TTC7B: variants seen among roughly 807,000 people sequenced by gnomAD.
The protein encoded by TTC7B is tetratricopeptide repeat domain 7B.
In TTC7B, 28 loss-of-function variants were observed where a neutral mutation model predicts 106.8. That is an observed-to-expected ratio of 0.26 (90% confidence interval 0.19 to 0.36). TTC7B has a LOEUF of 0.36. TTC7B is among the 10% of genes least tolerant of loss of function. The pLI is 1.00. For synonymous variants in TTC7B, 405 were observed against 430.6 expected, an observed-to-expected ratio of 0.94 and a Z score of 0.74; for missense variants, 862 against 1,076.4, an observed-to-expected ratio of 0.80 and a Z score of 2.79.
intron 3 of TTC7B, among the ~76,000 whole-genome samples, chr14:90,745,297 C>CA (rs71461925): frequency 1.9e-3 from 205 of 108,674 alleles, no homozygotes; most frequent in East Asian, 9.6e-3. Context: ...CCCTGTCTCC[C>CA]AAAAAAAAAA....
rs114054306 is a variant in TTC7B at position 90,534,379 on chromosome 14, C to G, written c.*6989G>C. On this transcript the variant is annotated 3_prime_UTR_variant, in exon 20 of 20. Transcript: ENST00000328459. Reference sequence around the variant, plus strand: ...CAGGCCCAGTGCGGCTGCTACTGCCCGCCTCCCCCGGAGGACTCCGGCCAG... The same window carrying G: ...CAGGCCCAGTGCGGCTGCTACTGCCGGCCTCCCCCGGAGGACTCCGGCCAG... The G allele has an allele frequency of 0.031, 4,709 of 152,426 alleles. 131 individuals are homozygous for G. The highest frequency in any genetic ancestry group is 0.16 in the East Asian group (831 of 5,140). 9.4% of individuals were successfully genotyped at this position (152,426 alleles called of 1,614,324 possible).
At chr14:90,686,777 G>A (rs928997211) in intron 7 of TTC7B, among the ~76,000 whole-genome samples, 2 of 152,168 alleles carry the variant, frequency 1.3e-5, no homozygotes, top group East Asian at 1.9e-4. Context: ...GTGCACGCAC[G>A]TGTGCACACA....
rs553124980 is a variant in TTC7B, at chr14:90,599,129, C to T, written c.1967-5503G>A. On this transcript the variant is annotated intron_variant, in intron 17 of 19. Coordinates refer to ENST00000328459, the MANE Select transcript of TTC7B (RefSeq NM_001010854.2). ...TGGCACTCCAGCCTGGGTGACAGAG[C>T]GAGATTCTGTCTCAAACAAAAAAAG... 9.8e-4 allele frequency among the ~76,000 whole-genome samples: 148 copies of T among 151,078 alleles called. 4 individuals are homozygous for T. The South Asian group carries it at 0.029, about 30-fold the overall frequency.
chr14:90,735,692 C>T (rs915568812), intron 4 of TTC7B, among the ~76,000 whole-genome samples: 6 of 151,214 alleles, frequency 4.0e-5, no homozygotes, highest in Admixed American at 2.0e-4. Context: ...AACCTCATCA[C>T]TTTTTTTAAA....
intron 5 of TTC7B, among the ~76,000 whole-genome samples, chr14:90,717,799 G>A (rs1389421805): frequency 1.3e-5 from 2 of 152,218 alleles, no homozygotes; most frequent in Admixed American, 6.5e-5. Context: ...AAGGCAGGTA[G>A]GTGATTGAGC....
In TTC7B at chr14:90,775,903, C is replaced by T. The variant is rs139669864; in HGVS notation, c.445+4835G>A. Among the ~76,000 whole-genome samples, 15 of 151,140 alleles carry T rather than the reference C, an allele frequency of 9.9e-5. No homozygotes were observed. The South Asian group carries it at 1.0e-3, about 11-fold the overall frequency. On this transcript the variant is annotated intron_variant, in intron 3 of 19. Coordinates refer to ENST00000328459, the MANE Select transcript of TTC7B (RefSeq NM_001010854.2). ...TTCCAGGCCCCATTTTTAAAATTTC[C>T]GGTTTAAAAATTTTAAATTTTAAAA...
intron 15 of TTC7B, among the ~76,000 whole-genome samples, chr14:90,623,230 C>A (rs1206118530): frequency 2.0e-5 from 3 of 152,132 alleles, no homozygotes; most frequent in Non-Finnish European, 4.4e-5. Flanking sequence ...TGAAGACAAG[C>A]AAAATAATAA....
chr14:90,644,743 G>A (rs1411615306), intron 14 of TTC7B: 5 of 152,224 alleles, frequency 3.3e-5, no homozygotes, highest in African/African-American at 1.2e-4. Flanking sequence ...ATTCTTTTCA[G>A]GTTCCTTTGT....
chr14:90,695,660 G>T lies in TTC7B; in HGVS notation c.699-82C>A. 5 of 850,694 alleles carry T rather than the reference G, an allele frequency of 5.9e-6. 1 individual carries two copies. The South Asian group carries it at 8.4e-5, about 14-fold the overall frequency. The allele number at this position is 850,694 out of a possible 1,614,324, so 52.7% of individuals were successfully genotyped here. A position where few individuals can be genotyped will look rare whatever the true frequency, so the allele number is the denominator to read the frequency against. On this transcript the variant is annotated intron_variant, in intron 5 of 19. Coordinates refer to ENST00000328459, the MANE Select transcript of TTC7B (RefSeq NM_001010854.2). Reference sequence around the variant, plus strand: ...TTATATGCACGTTTCAATGCATTTTGTCTGCATAAAAGCTGTTGGCTAGAT... The same window carrying T: ...TTATATGCACGTTTCAATGCATTTTTTCTGCATAAAAGCTGTTGGCTAGAT...
At chr14:90,738,971 G>A (rs1246735912) in intron 4 of TTC7B, among the ~76,000 whole-genome samples, 1 of 152,134 alleles carries the variant, frequency 6.6e-6, no homozygotes, top group Non-Finnish European at 1.5e-5. Context: ...GCTGCAGTGA[G>A]CCAAGATTGC....
In TTC7B at chr14:90,757,701, C is replaced by A. The variant is rs1890349716; in HGVS notation, c.446-12779G>T. ...CAGTGGTCACTTGTCTGTCCTACGG[C>A]TCTAGGATGACACCTAGAAGATCAT... On this transcript the variant is annotated intron_variant, in intron 3 of 19. Coordinates refer to ENST00000328459, the MANE Select transcript of TTC7B (RefSeq NM_001010854.2). This position sits in a 1 kb window ranked among gnomAD's most constrained non-coding sequence, Gnocchi z 4.1. Among the ~76,000 whole-genome samples, 1 of 152,190 alleles carries A rather than the reference C, an allele frequency of 6.6e-6. No homozygotes were observed. The highest frequency in any genetic ancestry group is 6.5e-5 in the Admixed American group (1 of 15,286).
chr14:90,633,440 G>A (rs1884788435), intron 15 of TTC7B, among the ~76,000 whole-genome samples: 1 of 152,224 alleles, frequency 6.6e-6, no homozygotes, highest in Non-Finnish European at 1.5e-5. Flanking sequence ...AAGGCTTGCT[G>A]AATGAGAATG....
Position 90,555,338 on chromosome 14 carries a change from C to T in TTC7B, c.2311-13749G>A, listed in dbSNP as rs903962459. The stretch of plus-strand genomic sequence containing the variant: ...CACTGCAGGCCCTTCCTCTACCTGG[C>T]GGCTGCCAGATTCCGGGTGAGCCAG... On this transcript the variant is annotated intron_variant, in intron 19 of 19. Coordinates refer to ENST00000328459, the MANE Select transcript of TTC7B (RefSeq NM_001010854.2). 3.3e-5 allele frequency among the ~76,000 whole-genome samples: 5 copies of T among 152,274 alleles called. No individual in the cohort carries two copies. In the East Asian group the frequency reaches 7.7e-4, roughly 24 times the overall value.
At chr14:90,671,526 G>A (rs899069217) in intron 9 of TTC7B, among the ~76,000 whole-genome samples, 3 of 152,200 alleles carry the variant, frequency 2.0e-5, no homozygotes, top group African/African-American at 7.2e-5. Flanking sequence ...GAAAAACAGA[G>A]GAAGCGGTGC....
At chr14:90,772,793 A>C (rs1301555531) in intron 3 of TTC7B, 3 of 152,204 alleles carry the variant, frequency 2.0e-5, no homozygotes, top group African/African-American at 7.2e-5. Flanking sequence ...GCAACATGGC[A>C]AAACCTCATC....
chr14:90,547,806 G>A (rs1215631664), intron 19 of TTC7B, among the ~76,000 whole-genome samples: 5 of 152,084 alleles, frequency 3.3e-5, no homozygotes, highest in African/African-American at 9.7e-5. Flanking sequence ...GCTCTTTTGG[G>A]AGATTTTGGA....
chr14:90,562,913 C>T (rs930886238), intron 19 of TTC7B, among the ~76,000 whole-genome samples: 1 of 152,228 alleles, frequency 6.6e-6, no homozygotes, highest in Non-Finnish European at 1.5e-5. Context: ...GCTGCCAGCA[C>T]TTGGCCCACA....
chr14:90,742,653 A>G lies in TTC7B; in HGVS notation c.576+2139T>C, dbSNP rs1889814882. ...GTGTGCCTGGGCTCTCCCTTTCTAG[A>G]CCTCAAGTTTCTTCTCAAAATCCAA... is the stretch of plus-strand genomic sequence containing the variant. On this transcript the variant is annotated intron_variant, in intron 4 of 19. Transcript: ENST00000328459. The surrounding 1 kb of genome is among the most constrained non-coding windows in gnomAD (Gnocchi z 4.1). 2.0e-5 allele frequency among the ~76,000 whole-genome samples: 3 copies of G among 152,106 alleles called. No individual in the cohort carries two copies. Among genetic ancestry groups the G allele is most frequent in the Non-Finnish European group, 4.4e-5 (3 of 68,012 alleles).
At chr14:90,636,219 C>T (rs1207931515) in intron 15 of TTC7B, among the ~76,000 whole-genome samples, 2 of 151,682 alleles carry the variant, frequency 1.3e-5, no homozygotes, top group African/African-American at 4.8e-5. Context: ...CATGCACACA[C>T]ATATATGTAC....
Sources: gnomAD v4.1 joint callset for allele counts (sites outside exome capture counted in the v4.1 genomes callset) on GRCh38, gnomAD v4.1.1 for gene constraint, Gnocchi (gnomAD v3.1) non-coding constraint, MANE v1.5 for transcripts, NCBI Gene and HGNC (gene_info 2026-07-23, HGNC 2026-07-21) for gene names.